TXNDC11: variants seen among roughly 807,000 people sequenced by gnomAD.
The protein encoded by TXNDC11 is thioredoxin domain-containing protein 11.
TXNDC11 carries 68 observed loss-of-function variants against 78.0 expected under a neutral mutation model. That is an observed-to-expected ratio of 0.87 (90% confidence interval 0.72 to 1.07). The LOEUF (loss-of-function observed/expected upper bound fraction) is 1.07. Among genes scored for constraint, TXNDC11 ranks in the 50% least tolerant of loss-of-function variants. The pLI is 0.00. For missense variants in TXNDC11, 1,389 were observed against 1,221.8 expected, an observed-to-expected ratio of 1.14 and a Z score of -2.04; for synonymous variants, 571 against 495.2, an observed-to-expected ratio of 1.15 and a Z score of -2.03.
At position 11,742,565 on chromosome 16, in the gene TXNDC11, A is replaced by G. The variant is rs531792677; in HGVS notation, c.166T>C (p.Phe56Leu). The stretch of plus-strand genomic sequence containing the variant: ...TCCGGCCGCTGGCGCGCCATGAGGA[A>G]GGCGCCACGCAGCCCGCGACGGAGC... ...GRLRRGLRGA[F>L]LMARQRPELL... The change falls in exon 1 of 12, where the codon TTC becomes CTC. Residue 56 changes from phenylalanine (F) to leucine (L), a missense_variant. Transcript: ENST00000283033. 2.0e-5 allele frequency: 29 copies of G among 1,456,760 alleles called. No individual in the cohort carries two copies. In the African/African-American group the frequency reaches 3.4e-4, roughly 17 times the overall value. The allele number at this position is 1,456,760 out of a possible 1,614,324, so 90.2% of individuals were successfully genotyped here. A position where few individuals can be genotyped will look rare whatever the true frequency, so the allele number is the denominator to read the frequency against.
chr16:11,696,524 A>G (rs1471268985), intron 7 of TXNDC11, among the ~76,000 whole-genome samples: 1 of 152,180 alleles, frequency 6.6e-6, no homozygotes, highest in African/African-American at 2.4e-5. Flanking sequence ...TGCTCAGTAA[A>G]CATTTGCCAA....
rs910122860 is a variant in TXNDC11, at chr16:11,721,821, T to A, written c.700-151A>T. 1.4e-5 allele frequency: 7 copies of A among 506,046 alleles called. No homozygotes were observed. The East Asian group carries it at 2.2e-4, about 16-fold the overall frequency. The allele number at this position is 506,046 out of a possible 1,614,324, so 31.3% of individuals were successfully genotyped here. A position where few individuals can be genotyped will look rare whatever the true frequency, so the allele number is the denominator to read the frequency against. ...AAAAGCCTAAGCACATGATAAAAAT[T>A]TCAGGTTGGGGTTGAACATCCCCTC... On this transcript the variant is annotated intron_variant, in intron 4 of 11. Transcript: ENST00000283033.
intron 4 of TXNDC11, among the ~76,000 whole-genome samples, chr16:11,725,197 C>A (rs2051840060): frequency 6.6e-6 from 1 of 151,998 alleles, no homozygotes; most frequent in South Asian, 2.1e-4. Context: ...AATTATAGAC[C>A]ATACCCTGCC....
intron 11 of TXNDC11, among the ~76,000 whole-genome samples, chr16:11,683,714 C>T (rs1478750938): frequency 1.3e-5 from 2 of 151,740 alleles, no homozygotes; most frequent in African/African-American, 4.9e-5. Flanking sequence ...ACATAACATC[C>T]TGACACTACA....
intron 5 of TXNDC11, among the ~76,000 whole-genome samples, chr16:11,708,449 G>A (rs1033295209): frequency 6.6e-6 from 1 of 152,054 alleles, no homozygotes; most frequent in African/African-American, 2.4e-5. Context: ...AATAGCACTT[G>A]GTGTACTACA....
rs756367826 is a variant in TXNDC11, at chr16:11,691,996, A to G, written c.1194T>C (p.Ala398=). Residue 398 remains alanine, a synonymous_variant, in exon 8 of 12, where the codon GCT becomes GCC. Coordinates refer to ENST00000283033, the MANE Select transcript of TXNDC11 (RefSeq NM_015914.7). Reference sequence around the variant, plus strand: ...CCAGGGCCAGGGACTCCAGCACTGGAGCATCCACCCGCCGCAGGTGCTGAA... The same window carrying G: ...CCAGGGCCAGGGACTCCAGCACTGGGGCATCCACCCGCCGCAGGTGCTGAA... ...RLLQHLRRVD[A]PVLESLALEV... The G allele has an allele frequency of 9.5e-6, 15 of 1,580,396 alleles. No homozygotes were observed. Among genetic ancestry groups the G allele is most frequent in the Non-Finnish European group, 1.3e-5 (15 of 1,161,902 alleles).
At chr16:11,741,014 A>C (rs1213956664) in intron 1 of TXNDC11, among the ~76,000 whole-genome samples, 1 of 150,294 alleles carries the variant, frequency 6.7e-6, no homozygotes, top group East Asian at 1.9e-4. Flanking sequence ...TAGTGGGTAG[A>C]GGCCGGGGAT....
chr16:11,732,459 C>T (rs1180345882), intron 3 of TXNDC11, among the ~76,000 whole-genome samples: 1 of 152,194 alleles, frequency 6.6e-6, no homozygotes, highest in South Asian at 2.1e-4. Flanking sequence ...CCACCTTACA[C>T]TTACCTTTAA....
intron 7 of TXNDC11, among the ~76,000 whole-genome samples, 180 bp downstream of exon 7, chr16:11,697,940 CCCTGT>C (rs2050902560): frequency 6.6e-6 from 1 of 152,248 alleles, no homozygotes; most frequent in Non-Finnish European, 1.5e-5. Flanking sequence ...CTGCGGCAGT[CCCTGT>C]CCTAGACACG....
intron 3 of TXNDC11, among the ~76,000 whole-genome samples, chr16:11,733,256 CAAAATAAAAT>C (rs936564884): frequency 1.3e-5 from 2 of 150,736 alleles, no homozygotes; most frequent in South Asian, 2.1e-4. Flanking sequence ...AACTCTGTCT[CAAAATAAAAT>C]AAAATAAAAT....
At chr16:11,708,343 G>A (rs993839197) in intron 5 of TXNDC11, among the ~76,000 whole-genome samples, 9 of 152,128 alleles carry the variant, frequency 5.9e-5, no homozygotes, top group Admixed American at 2.6e-4. Context: ...CTTTAAGAAC[G>A]TGTCCCCTTT....
At chr16:11,703,756 G>A (rs1020528601) in intron 5 of TXNDC11, 8 of 701,102 alleles carry the variant, frequency 1.1e-5, no homozygotes, top group East Asian at 2.7e-5. Flanking sequence ...CAGAGCTGGG[G>A]TGAAGAAAGT....
chr16:11,711,879 A>G (rs2051373137), intron 5 of TXNDC11, among the ~76,000 whole-genome samples: 1 of 152,210 alleles, frequency 6.6e-6, no homozygotes, highest in South Asian at 2.1e-4. Context: ...TCATTCAGGT[A>G]AAGTGCCTGG....
intron 6 of TXNDC11, among the ~76,000 whole-genome samples, chr16:11,700,153 T>C (rs1220147492): frequency 2.0e-5 from 3 of 152,228 alleles, no homozygotes; most frequent in Non-Finnish European, 4.4e-5. Context: ...GTAACAATTC[T>C]TCAAGAGAGT....
At chr16:11,688,250 A>T (rs1427568986) in intron 9 of TXNDC11, 53 bp downstream of exon 9, 2 of 1,588,158 alleles carry the variant, frequency 1.3e-6, no homozygotes, top group African/African-American at 2.7e-5. Flanking sequence ...GTAGTTTGGA[A>T]ATTATTTTAA....
At chr16:11,704,977 C>A (rs922172364) in intron 5 of TXNDC11, among the ~76,000 whole-genome samples, 1 of 151,618 alleles carries the variant, frequency 6.6e-6, no homozygotes, top group African/African-American at 2.4e-5. Context: ...TGGTGCATCT[C>A]GGCTCACTGC....
chr16:11,738,065 G>A (rs1006320441), intron 1 of TXNDC11, among the ~76,000 whole-genome samples: 2 of 151,768 alleles, frequency 1.3e-5, no homozygotes, highest in Non-Finnish European at 2.9e-5. Context: ...GATAAACTGG[G>A]GTATATTCTT....
intron 7 of TXNDC11, among the ~76,000 whole-genome samples, chr16:11,692,855 C>G (rs961328368): frequency 5.9e-5 from 9 of 152,208 alleles, no homozygotes; most frequent in African/African-American, 2.2e-4. Flanking sequence ...CTCTTCAGAA[C>G]AGACCAGGCC....
chr16:11,702,382 TACAGGCCA>T (rs1207181521), intron 5 of TXNDC11, among the ~76,000 whole-genome samples: 1 of 152,156 alleles, frequency 6.6e-6, no homozygotes, highest in Admixed American at 6.5e-5. Context: ...TCAGTTAAAC[TACAGGCCA>T]GGCGCAGGGG....
Sources: gnomAD v4.1 joint callset for allele counts (sites outside exome capture counted in the v4.1 genomes callset) on GRCh38, gnomAD v4.1.1 for gene constraint, MANE v1.5 for transcripts, NCBI Gene and HGNC (gene_info 2026-07-23, HGNC 2026-07-21) for gene names.